The following NTM variants were observed in gnomAD, a reference collection of about 807,000 sequenced individuals.
The protein encoded by NTM is neurotrimin.
A neutral mutation model predicts 42.1 loss-of-function variants in NTM; 13 were observed. The ratio of observed to expected loss-of-function variants is 0.31; its 90% CI spans 0.20 to 0.49. The LOEUF (loss-of-function observed/expected upper bound fraction) is 0.49, where lower values mean the gene tolerates loss of function less well. NTM is among the 20% of genes least tolerant of loss of function. The pLI is 0.99. For missense variants in NTM, 373 were observed against 452.8 expected (o/e 0.82, Z 1.60); for synonymous variants, 187 against 179.2 (o/e 1.04, Z -0.35).
intron 2 of NTM, among the ~76,000 whole-genome samples, chr11:131,971,812 A>G (rs1320226830): frequency 6.6e-6 from 1 of 152,008 alleles, no homozygotes; most frequent in Non-Finnish European, 1.5e-5. Context: ...TTGAAGGCCG[A>G]GGCAGGTGGA....
At chr11:132,256,569 T>C (rs2139459380) in intron 4 of NTM, among the ~76,000 whole-genome samples, 1 of 152,212 alleles carries the variant, frequency 6.6e-6, no homozygotes, top group South Asian at 2.1e-4. Flanking sequence ...AGGTCCTTTT[T>C]CCACCATGAC....
rs183956141 is a variant in NTM at position 132,072,427 on chromosome 11, T to C, written c.168-73855T>C. ...GTTCTCAAACACATATGTGTGCAAC[T>C]GATTTGTTGCTTTTGGTATTTCTGT... On this transcript the variant is annotated intron_variant, in intron 2 of 8. Transcript: ENST00000683400. Among the ~76,000 whole-genome samples the C allele has an allele frequency of 1.8e-3, 274 of 152,318 alleles. 2 individuals carry two copies. The highest frequency in any genetic ancestry group is 0.017 in the Middle Eastern group (5 of 294).
intron 4 of NTM, among the ~76,000 whole-genome samples, chr11:132,292,777 G>A (rs1406708103): frequency 9.2e-6 from 1 of 108,572 alleles, no homozygotes; most frequent in African/African-American, 3.7e-5. Flanking sequence ...TATCAAAAGG[G>A]ATGTAAAAGT....
At chr11:131,864,475 C>T (rs2046943247) in intron 1 of NTM, among the ~76,000 whole-genome samples, 1 of 152,200 alleles carries the variant, frequency 6.6e-6, no homozygotes. Flanking sequence ...CAGGCTCACT[C>T]TCCCTCTTGC....
At chr11:132,206,203 A>C (rs538772852) in intron 3 of NTM, among the ~76,000 whole-genome samples, 1 of 152,336 alleles carries the variant, frequency 6.6e-6, no homozygotes, top group Admixed American at 6.5e-5. Context: ...TTTTTCTTAA[A>C]ATAAATTTTT....
intron 2 of NTM, among the ~76,000 whole-genome samples, chr11:132,134,304 G>A (rs539992833): frequency 6.6e-6 from 1 of 152,102 alleles, no homozygotes; most frequent in South Asian, 2.1e-4. Context: ...CTGATCTTTT[G>A]TTTGTTTGGT....
intron 2 of NTM, among the ~76,000 whole-genome samples, chr11:131,937,182 T>G (rs139882030): frequency 1.5e-3 from 235 of 152,298 alleles, no homozygotes; most frequent in Admixed American, 5.5e-3. Context: ...CACTCAGGAG[T>G]AGAGTCAGCA....
intron 2 of NTM, among the ~76,000 whole-genome samples, chr11:132,055,035 C>T (rs189832828): frequency 1.3e-5 from 2 of 152,292 alleles, no homozygotes; most frequent in Non-Finnish European, 2.9e-5. Context: ...CTTTTGAAAA[C>T]CACTGTTACA....
At chr11:131,645,806 A>G (rs541527816) in intron 1 of NTM, among the ~76,000 whole-genome samples, 3 of 152,252 alleles carry the variant, frequency 2.0e-5, no homozygotes, top group Non-Finnish European at 2.9e-5. Context: ...GTCTGTGGAC[A>G]TGGGGTTATA....
chr11:131,688,945 G>A (rs1274613176), intron 1 of NTM, among the ~76,000 whole-genome samples: 1 of 152,188 alleles, frequency 6.6e-6, no homozygotes, highest in Admixed American at 6.5e-5. Context: ...AGGATTGTTA[G>A]AGCCCTGGTG....
In NTM at chr11:132,002,735, G is replaced by T. The variant is rs1272394655; in HGVS notation, c.167+91087G>T. On this transcript the variant is annotated intron_variant, in intron 2 of 8. Transcript: ENST00000683400. This position sits in a 1 kb window ranked among gnomAD's most constrained non-coding sequence, Gnocchi z 4.5. ...ATACAATGCCTGGGTTTGAATTCAA[G>T]TTCTGCCACTTCCTTACTCTGTCTC... 6.6e-6 allele frequency among the ~76,000 whole-genome samples: 1 copy of T among 152,110 alleles called. No homozygotes were observed. Among genetic ancestry groups the T allele is most frequent in the African/African-American group, 2.4e-5 (1 of 41,408 alleles).
At chr11:131,984,999 ATCT>A (rs1018889109) in intron 2 of NTM, among the ~76,000 whole-genome samples, 4 of 152,114 alleles carry the variant, frequency 2.6e-5, no homozygotes, top group African/African-American at 7.2e-5. Context: ...ATTTTTTTTA[ATCT>A]TCTTCCTGAC....
chr11:132,087,193 G>C (rs1477005372), intron 2 of NTM, among the ~76,000 whole-genome samples: 2 of 152,118 alleles, frequency 1.3e-5, no homozygotes, highest in Non-Finnish European at 2.9e-5. Flanking sequence ...GCCACCCATG[G>C]TTGTCAGTGT....
intron 2 of NTM, among the ~76,000 whole-genome samples, chr11:131,914,484 T>G (rs1178021089): frequency 6.6e-6 from 1 of 152,194 alleles, no homozygotes; most frequent in Admixed American, 6.5e-5. Flanking sequence ...AGCAGAGGAC[T>G]TTTTGCTCTA....
At chr11:131,727,384 C>T (rs1484947116) in intron 1 of NTM, among the ~76,000 whole-genome samples, 1 of 152,036 alleles carries the variant, frequency 6.6e-6, no homozygotes, top group African/African-American at 2.4e-5. Context: ...AAGCAAATAC[C>T]TTTTCATCCC....
intron 1 of NTM, among the ~76,000 whole-genome samples, chr11:131,681,062 C>T (rs1464865660): frequency 3.6e-5 from 1 of 27,526 alleles, no homozygotes; most frequent in African/African-American, 1.1e-4. Context: ...TGTATGTCTC[C>T]CTGTGTGAGC....
In NTM at chr11:132,002,777, T is replaced by C. The variant is rs1041297828; in HGVS notation, c.167+91129T>C. Among the ~76,000 whole-genome samples, 1 of 152,178 alleles carries C rather than the reference T, an allele frequency of 6.6e-6. No individual in the cohort carries two copies. Among genetic ancestry groups the C allele is most frequent in the African/African-American group, 2.4e-5 (1 of 41,434 alleles). Reference sequence around the variant, plus strand: ...CTCTGTCTCTTTATCAATAAACTCATTGGGAAAAGTGGAGGAAATCATAGT... The same window carrying C: ...CTCTGTCTCTTTATCAATAAACTCACTGGGAAAAGTGGAGGAAATCATAGT... On this transcript the variant is annotated intron_variant, in intron 2 of 8. Transcript: ENST00000683400. This position sits in a 1 kb window ranked among gnomAD's most constrained non-coding sequence, Gnocchi z 4.5.
intron 1 of NTM, among the ~76,000 whole-genome samples, chr11:131,907,643 C>A (rs986222560): frequency 6.6e-6 from 1 of 151,958 alleles, no homozygotes. Context: ...AAGAAGGAGA[C>A]GGAGATGGTG....
At chr11:131,554,651 T>C (rs1488055853) in intron 1 of NTM, among the ~76,000 whole-genome samples, 1 of 152,112 alleles carries the variant, frequency 6.6e-6, no homozygotes, top group African/African-American at 2.4e-5. Flanking sequence ...GACTGCCATC[T>C]CAGATAATTC....
Sources: gnomAD v4.1 joint callset for allele counts (sites outside exome capture counted in the v4.1 genomes callset) on GRCh38, gnomAD v4.1.1 for gene constraint, Gnocchi (gnomAD v3.1) non-coding constraint, MANE v1.5 for transcripts, NCBI Gene and HGNC (gene_info 2026-07-23, HGNC 2026-07-21) for gene names.